Variants in FOXN3 observed in about 807,000 individuals in gnomAD.
FOXN3 encodes the protein forkhead box protein N3.
Under a neutral mutation model 38.4 loss-of-function variants are expected in FOXN3, and 7 were observed. The observed-to-expected ratio is 0.18, with a 90% CI of 0.10 to 0.34. The LOEUF (loss-of-function observed/expected upper bound fraction) is 0.34, where lower values mean the gene tolerates loss of function less well. FOXN3 is among the 10% of genes least tolerant of loss of function. The pLI is 1.00. For synonymous variants in FOXN3, 230 were observed against 242.2 expected, an observed-to-expected ratio of 0.95 and a Z score of 0.47; for missense variants, 456 against 613.4, an observed-to-expected ratio of 0.74 and a Z score of 2.71.
intron 2 of FOXN3, among the ~76,000 whole-genome samples, chr14:89,394,361 G>A (rs1441103770): frequency 7.3e-5 from 11 of 151,502 alleles, no homozygotes; most frequent in African/African-American, 2.4e-4. Flanking sequence ...CCACCACCAC[G>A]CCCAGCTAAT....
At chr14:89,595,012 A>G (rs1043344627) in intron 1 of FOXN3, among the ~76,000 whole-genome samples, 8 of 152,120 alleles carry the variant, frequency 5.3e-5, no homozygotes, top group African/African-American at 1.9e-4. Context: ...ATGAACTGAC[A>G]TCTTTTAAAA....
intron 4 of FOXN3, among the ~76,000 whole-genome samples, chr14:89,252,884 G>A (rs893549447): frequency 5.9e-5 from 9 of 152,202 alleles, no homozygotes; most frequent in Non-Finnish European, 1.2e-4. Context: ...CTGAGTGTGT[G>A]CACAACATGG....
rs766889305 is a variant in FOXN3, at chr14:89,163,574, C to A, written c.852-605G>T. Reference sequence around the variant, plus strand: ...CTGGGGGAGGGACACGGGGTTGGATCGGATATAGACACTGCCACAGCGATG... The same window carrying A: ...CTGGGGGAGGGACACGGGGTTGGATAGGATATAGACACTGCCACAGCGATG... On this transcript the variant is annotated intron_variant, in intron 5 of 5. Transcript: ENST00000557258. This position sits in a 1 kb window ranked among gnomAD's most constrained non-coding sequence, Gnocchi z 4.3. 6.6e-6 allele frequency among the ~76,000 whole-genome samples: 1 copy of A among 152,112 alleles called. No individual in the cohort carries two copies. The highest frequency in any genetic ancestry group is 2.4e-5 in the African/African-American group (1 of 41,402).
chr14:89,528,693 G>A (rs377369508), intron 1 of FOXN3, among the ~76,000 whole-genome samples: 4 of 151,838 alleles, frequency 2.6e-5, no homozygotes, highest in South Asian at 2.1e-4. Flanking sequence ...ACCACACTCG[G>A]GCTGATTAAT....
intron 2 of FOXN3, among the ~76,000 whole-genome samples, chr14:89,369,099 G>C (rs1022641371): frequency 6.6e-6 from 1 of 152,174 alleles, no homozygotes; most frequent in African/African-American, 2.4e-5. Context: ...AGGCAGAGAA[G>C]CTTGATGCGT....
chr14:89,582,016 T>C (rs571563440), intron 1 of FOXN3, among the ~76,000 whole-genome samples: 31 of 152,294 alleles, frequency 2.0e-4, no homozygotes, highest in African/African-American at 7.5e-4. Context: ...CACTGTTTTA[T>C]TGGGAAGGAA....
At chr14:89,295,336 GAATT>G (rs1887001173) in intron 3 of FOXN3, among the ~76,000 whole-genome samples, 1 of 152,276 alleles carries the variant, frequency 6.6e-6, no homozygotes, top group African/African-American at 2.4e-5. Flanking sequence ...GCTCATCTGG[GAATT>G]AATTGCACTC....
At chr14:89,511,068 C>T (rs1261063438) in intron 1 of FOXN3, among the ~76,000 whole-genome samples, 2 of 152,058 alleles carry the variant, frequency 1.3e-5, no homozygotes, top group Non-Finnish European at 2.9e-5. Flanking sequence ...GAAGGTTCCC[C>T]AACTCATATT....
In FOXN3 at chr14:89,463,951, A is replaced by C. The variant is rs139391410; in HGVS notation, c.-14-51461T>G. Reference sequence around the variant, plus strand: ...AGGCACATGCCACCACACCCAGTGAATTTTGAATTTTTAGTAGAGGTGGGG... The same window carrying C: ...AGGCACATGCCACCACACCCAGTGACTTTTGAATTTTTAGTAGAGGTGGGG... On this transcript the variant is annotated intron_variant, in intron 1 of 6. Transcript: ENST00000345097. 6.7e-3 allele frequency among the ~76,000 whole-genome samples: 1,025 copies of C among 152,140 alleles called. 12 individuals carry two copies. The highest frequency in any genetic ancestry group is 8.6e-3 in the Non-Finnish European group (587 of 67,966).
intron 1 of FOXN3, among the ~76,000 whole-genome samples, chr14:89,616,638 T>C (rs1186797480): frequency 6.6e-6 from 1 of 150,388 alleles, no homozygotes. Flanking sequence ...TCATTATAAC[T>C]TCCCCCGATG....
intron 1 of FOXN3, among the ~76,000 whole-genome samples, chr14:89,510,398 C>T (rs1274055223): frequency 2.0e-5 from 3 of 152,170 alleles, no homozygotes; most frequent in Non-Finnish European, 4.4e-5. Flanking sequence ...TCAGATCTGC[C>T]AGGGAGCCAG....
At chr14:89,558,862 T>C (rs1895183456) in intron 1 of FOXN3, among the ~76,000 whole-genome samples, 1 of 152,122 alleles carries the variant, frequency 6.6e-6, no homozygotes, top group Admixed American at 6.6e-5. Flanking sequence ...AGCTGATTGT[T>C]ATTAGCTGAC....
intron 2 of FOXN3, among the ~76,000 whole-genome samples, chr14:89,392,969 G>A (rs1316704365): frequency 3.3e-5 from 5 of 152,090 alleles, no homozygotes; most frequent in Non-Finnish European, 7.4e-5. Flanking sequence ...ACCACGCCCG[G>A]CTAATTTTTG....
At chr14:89,210,090 G>A (rs12586335) in intron 4 of FOXN3, among the ~76,000 whole-genome samples, 2 of 152,190 alleles carry the variant, frequency 1.3e-5, no homozygotes, top group African/African-American at 4.8e-5. Flanking sequence ...ACAGCACCTA[G>A]CATACTGATA....
chr14:89,587,489 T>C (rs1895863579), intron 1 of FOXN3, among the ~76,000 whole-genome samples: 1 of 152,134 alleles, frequency 6.6e-6, no homozygotes, highest in African/African-American at 2.4e-5. Context: ...ATCTAGAGGG[T>C]GTATGCCTCA....
chr14:89,618,478 C>G (rs1037625891), intron 1 of FOXN3, among the ~76,000 whole-genome samples: 1 of 152,118 alleles, frequency 6.6e-6, no homozygotes, highest in Admixed American at 6.5e-5. Context: ...TCAGGATAAC[C>G]CGTTACAGTA....
At chr14:89,416,390 C>T (rs1891725011) in intron 1 of FOXN3, among the ~76,000 whole-genome samples, 1 of 152,220 alleles carries the variant, frequency 6.6e-6, no homozygotes, top group African/African-American at 2.4e-5. Context: ...CGTCCCCCAA[C>T]TTATCCAGGG....
At chr14:89,538,997 C>T (rs1894744070) in intron 1 of FOXN3, among the ~76,000 whole-genome samples, 1 of 152,174 alleles carries the variant, frequency 6.6e-6, no homozygotes, top group South Asian at 2.1e-4. Context: ...GCGCCCGCCA[C>T]CACGTCTGGC....
At chr14:89,580,872 T>C (rs1337692399) in intron 1 of FOXN3, among the ~76,000 whole-genome samples, 1 of 152,202 alleles carries the variant, frequency 6.6e-6, no homozygotes, top group Admixed American at 6.5e-5. Flanking sequence ...CTTGGGGGCT[T>C]ACATGGTACC....
Sources: gnomAD v4.1 joint callset for allele counts (sites outside exome capture counted in the v4.1 genomes callset) on GRCh38, gnomAD v4.1.1 for gene constraint, Gnocchi (gnomAD v3.1) non-coding constraint, MANE v1.5 for transcripts, NCBI Gene and HGNC (gene_info 2026-07-23, HGNC 2026-07-21) for gene names.